Variants in BCAR1 observed in about 807,000 individuals in gnomAD.
BCAR1 encodes BCAR1 scaffold protein, Cas family member, also known as breast cancer anti-estrogen resistance protein 1.
A neutral mutation model predicts 67.6 loss-of-function variants in BCAR1; 30 were observed. The observed-to-expected ratio is 0.44, with a 90% CI of 0.33 to 0.60. The LOEUF (loss-of-function observed/expected upper bound fraction) is 0.60. Ranked by LOEUF, BCAR1 falls within the 20% of genes least tolerant of loss-of-function variation. The probability of loss-of-function intolerance (pLI) is 0.02; values close to 1 mark genes in which losing one functional copy is unlikely to be tolerated. For synonymous variants in BCAR1, 626 were observed against 556.7 expected (o/e 1.12, Z -1.75); for missense variants, 1,313 against 1,222.3 (o/e 1.07, Z -1.11).
At chr16:75,238,500 G>A in intron 2 of BCAR1, 1 of 996,798 alleles carries the variant, frequency 1.0e-6, no homozygotes, top group Non-Finnish European at 1.2e-6. Flanking sequence ...CAGGCAGGCA[G>A]CCAGCCCTGC....
At chr16:75,266,931 G>T in intron 1 of BCAR1, 1 of 540,932 alleles carries the variant, frequency 1.8e-6, no homozygotes, top group Non-Finnish European at 2.8e-6. Context: ...CAGCTGCCTA[G>T]GGAATCTCTG....
chr16:75,254,301 C>CAA (rs1286838326), upstream of BCAR1, among the ~76,000 whole-genome samples: 1 of 152,214 alleles, frequency 6.6e-6, no homozygotes, highest in East Asian at 1.9e-4. Flanking sequence ...CTGTCACACT[C>CAA]AGACTGCAAA....
chr16:75,246,398 C>T (rs898081222), intron 1 of BCAR1: 1 of 152,242 alleles, frequency 6.6e-6, no homozygotes, highest in Non-Finnish European at 1.5e-5. Flanking sequence ...CAGAAAGACA[C>T]CAAACAATTT....
chr16:75,243,237 G>T, intron 1 of BCAR1, 147 bp from the exon 2 acceptor site: 1 of 845,228 alleles, frequency 1.2e-6, no homozygotes. Flanking sequence ...TTGTGCCTTT[G>T]CCTCCACTGT....
At chr16:75,238,580 G>A (rs1195458448) in intron 2 of BCAR1, 3 of 988,708 alleles carry the variant, frequency 3.0e-6, no homozygotes, top group African/African-American at 1.7e-5. Context: ...CCCAGCAGCC[G>A]CAGGCCTGGC....
chr16:75,246,564 A>G, intron 1 of BCAR1: 1 of 152,614 alleles, frequency 6.6e-6, no homozygotes, highest in African/African-American at 2.4e-5. Context: ...AGGGGGCTGG[A>G]GCAGGGAGGC....
upstream of BCAR1, among the ~76,000 whole-genome samples, chr16:75,253,919 T>C (rs185637605): frequency 1.0e-3 from 153 of 151,988 alleles, 1 homozygote; most frequent in Non-Finnish European, 1.7e-3. Context: ...TGCCCATGCA[T>C]TTATTTTGTG....
At position 75,233,611 on chromosome 16, in the gene BCAR1, C is replaced by T. The variant is rs565161000; in HGVS notation, c.2100+235G>A. Among the ~76,000 whole-genome samples the T allele has an allele frequency of 4.1e-4, 63 of 152,314 alleles. 1 individual carries two copies. The highest frequency in any genetic ancestry group is 3.1e-4 in the Non-Finnish European group (21 of 68,022). ...GTGAGGGGTCTATTTTCTGCTCTCA[C>T]CCCACTCTCTAATTCCCTAAATGTC... On this transcript the variant is annotated intron_variant, in intron 6 of 6. Coordinates refer to ENST00000162330, the MANE Select transcript of BCAR1 (RefSeq NM_014567.5).
At chr16:75,257,410 G>C (rs540848974) in intron 1 of BCAR1, among the ~76,000 whole-genome samples, 1 of 152,310 alleles carries the variant, frequency 6.6e-6, no homozygotes, top group East Asian at 1.9e-4. Context: ...GTGACGGAAA[G>C]AGTGGATACA....
chr16:75,248,555 C>T lies in BCAR1; in HGVS notation c.12+2916G>A, dbSNP rs532013041. 4.1e-5 allele frequency: 8 copies of T among 193,974 alleles called. No homozygotes were observed. The South Asian group carries it at 8.7e-4, about 21-fold the overall frequency. The allele number at this position is 193,974 out of a possible 1,614,324, so 12.0% of individuals were successfully genotyped here. A position where few individuals can be genotyped will look rare whatever the true frequency, so the allele number is the denominator to read the frequency against. On this transcript the variant is annotated intron_variant, in intron 1 of 6. Transcript: ENST00000162330. ...CCTCTTCCCTCCCCCATGTCCCCAT[C>T]CTGGGTGGAACTCCAGGACCTGCCA... is the stretch of plus-strand genomic sequence containing the variant.
chr16:75,238,838 T>A (rs2077234864), intron 2 of BCAR1: 3 of 985,272 alleles, frequency 3.0e-6, no homozygotes, highest in African/African-American at 3.5e-5. Context: ...CGTGGCAGGT[T>A]GGCTGGGCCT....
chr16:75,246,533 G>A (rs1172127719), intron 1 of BCAR1: 2 of 152,366 alleles, frequency 1.3e-5, no homozygotes, highest in Non-Finnish European at 1.5e-5. Context: ...AAGAGCATGG[G>A]GCAGAGGAAG....
Position 75,229,838 on chromosome 16 carries a change from C to G in BCAR1, c.2286G>C (p.Val762=), listed in dbSNP as rs747778660. Reference sequence around the variant, plus strand: ...TGGCCACGGCGGTAAAGAAGGCGTCCACGGCGTTGGTCAGTGTGGTCAGGT... The same window carrying G: ...TGGCCACGGCGGTAAAGAAGGCGTCGACGGCGTTGGTCAGTGTGGTCAGGT... ...EANLTTLTNA[V]DAFFTAVATN... is the part of the protein sequence containing the mutation. The change falls in exon 7 of 7, where the codon GTG becomes GTC. Residue 762 remains valine (V), a synonymous_variant. Transcript: ENST00000162330. 5 of 1,613,272 alleles carry G rather than the reference C, an allele frequency of 3.1e-6. No homozygotes were observed. The highest frequency in any genetic ancestry group is 1.3e-5 in the African/African-American group (1 of 74,918).
intron 6 of BCAR1, among the ~76,000 whole-genome samples, chr16:75,233,382 A>G (rs960731984): frequency 1.3e-5 from 2 of 152,194 alleles, no homozygotes; most frequent in African/African-American, 4.8e-5. Flanking sequence ...CAAAAAAAAA[A>G]AAATACTAAG....
At chr16:75,267,452 G>T (rs1208162823) in intron 1 of BCAR1, among the ~76,000 whole-genome samples, 1 of 151,182 alleles carries the variant, frequency 6.6e-6, no homozygotes, top group Non-Finnish European at 1.5e-5. Context: ...GGCGCTCTGT[G>T]CATGTCTGGC....
chr16:75,253,408 C>T (rs911980306), upstream of BCAR1, among the ~76,000 whole-genome samples: 1 of 152,152 alleles, frequency 6.6e-6, no homozygotes, highest in Non-Finnish European at 1.5e-5. Context: ...CAGGGACGGG[C>T]AAGGACACAA....
At chr16:75,234,826 C>T (rs952502619) in intron 5 of BCAR1, 63 bp downstream of exon 5, 2 of 1,508,494 alleles carry the variant, frequency 1.3e-6, no homozygotes, top group Middle Eastern at 2.4e-4. Flanking sequence ...GAACAAATCT[C>T]CCCCTAAGCA....
chr16:75,237,846 G>A (rs1486443316), intron 2 of BCAR1, among the ~76,000 whole-genome samples: 3 of 152,184 alleles, frequency 2.0e-5, no homozygotes, highest in African/African-American at 4.8e-5. Context: ...TCCGGCCCAG[G>A]ACCAGATAGA....
intron 1 of BCAR1, among the ~76,000 whole-genome samples, chr16:75,267,620 C>G (rs1227477592): frequency 6.6e-6 from 1 of 152,050 alleles, no homozygotes; most frequent in African/African-American, 2.4e-5. Context: ...CTTTGCTCCT[C>G]GCCCAGACCC....
Sources: gnomAD v4.1 joint callset for allele counts (sites outside exome capture counted in the v4.1 genomes callset) on GRCh38, gnomAD v4.1.1 for gene constraint, MANE v1.5 for transcripts, NCBI Gene and HGNC (gene_info 2026-07-23, HGNC 2026-07-21) for gene names.